The following SCLT1 variants were observed in gnomAD, a reference collection of about 807,000 sequenced individuals.
The protein encoded by SCLT1 is sodium channel-associated protein 1.
Under a neutral mutation model 112.8 loss-of-function variants are expected in SCLT1, and 78 were observed. That is an observed-to-expected ratio of 0.69 (90% CI 0.58 to 0.83). SCLT1 has a LOEUF of 0.83. SCLT1 is among the 40% of genes least tolerant of loss of function. The probability of loss-of-function intolerance (pLI) is 0.00; values close to 1 mark genes in which losing one functional copy is unlikely to be tolerated. For synonymous variants in SCLT1, 257 were observed against 254.7 expected (o/e 1.01, Z -0.09); for missense variants, 747 against 770.4 (o/e 0.97, Z 0.36).
chr4:129,043,945 A>G, intron 3 of SCLT1, 48 bp downstream of exon 3: 1 of 911,480 alleles, frequency 1.1e-6, no homozygotes, highest in Non-Finnish European at 1.8e-6. Context: ...TATGCTAATA[A>G]TAATTAAATA....
intron 9 of SCLT1, among the ~76,000 whole-genome samples, chr4:128,986,758 T>C (rs963425798): frequency 2.6e-5 from 4 of 152,170 alleles, no homozygotes; most frequent in Admixed American, 2.0e-4. Flanking sequence ...CCTAGCAGAA[T>C]TCATGCCCTG....
At chr4:128,960,964 A>T (rs1739669163) in intron 11 of SCLT1, among the ~76,000 whole-genome samples, 1 of 146,528 alleles carries the variant, frequency 6.8e-6, no homozygotes, top group African/African-American at 2.5e-5. Flanking sequence ...CTAAATTATA[A>T]ATATTAACCC....
At chr4:128,993,170 T>C (rs1742721020) in intron 8 of SCLT1, among the ~76,000 whole-genome samples, 1 of 152,026 alleles carries the variant, frequency 6.6e-6, no homozygotes, top group East Asian at 1.9e-4. Context: ...CTCAATACCA[T>C]GTGTGGTTTA....
At chr4:129,017,367 T>A (rs1278811316) in intron 5 of SCLT1, among the ~76,000 whole-genome samples, 1 of 152,202 alleles carries the variant, frequency 6.6e-6, no homozygotes, top group Non-Finnish European at 1.5e-5. Context: ...TTGCTCCTTA[T>A]ATCATCTATC....
At chr4:128,875,718 CTAT>C (rs1013324529) in intron 4 of SCLT1, among the ~76,000 whole-genome samples, 4 of 151,952 alleles carry the variant, frequency 2.6e-5, no homozygotes, top group African/African-American at 9.7e-5. Context: ...AAGTGGTAGG[CTAT>C]TATTTTTATT....
downstream of SCLT1, among the ~76,000 whole-genome samples, chr4:128,882,801 CCTCTGAGGA>C (rs1356356142): frequency 2.0e-5 from 3 of 152,156 alleles, no homozygotes; most frequent in Non-Finnish European, 4.4e-5. Flanking sequence ...CTAGGGAAGG[CCTCTGAGGA>C]ACTGATATTT....
At chr4:128,904,663 C>T (rs977474102) in intron 18 of SCLT1, among the ~76,000 whole-genome samples, 1 of 151,960 alleles carries the variant, frequency 6.6e-6, no homozygotes, top group Non-Finnish European at 1.5e-5. Context: ...CAATCAATTA[C>T]GAGAGATGTT....
intron 18 of SCLT1, among the ~76,000 whole-genome samples, chr4:128,892,106 T>A (rs1029322403): frequency 6.6e-6 from 1 of 152,240 alleles, no homozygotes; most frequent in Non-Finnish European, 1.5e-5. Context: ...CTCATTCATA[T>A]CATTTATGCT....
chr4:128,974,922 T>C (rs1741013578), intron 9 of SCLT1, among the ~76,000 whole-genome samples: 1 of 152,058 alleles, frequency 6.6e-6, no homozygotes, highest in South Asian at 2.1e-4. Flanking sequence ...CAAATTAATA[T>C]TCTAAAAAGT....
chr4:128,959,856 G>T, intron 11 of SCLT1, 79 bp from the exon 12 acceptor site: 1 of 1,044,748 alleles, frequency 9.6e-7, no homozygotes, highest in Non-Finnish European at 1.4e-6. Context: ...TCTACTACAG[G>T]ACAGGTATTA....
intron 2 of SCLT1, among the ~76,000 whole-genome samples, chr4:129,044,960 C>A (rs1169721252): frequency 1.7e-4 from 26 of 151,290 alleles, no homozygotes; most frequent in African/African-American, 5.1e-4. Context: ...GTATAACAAA[C>A]CCAGAAATAG....
intron 12 of SCLT1, 81 bp downstream of exon 12, chr4:128,959,519 T>C (rs2126013469): frequency 1.1e-6 from 1 of 951,062 alleles, no homozygotes; most frequent in South Asian, 1.4e-5. Flanking sequence ...ATTCAACAGC[T>C]ATTGAATCCC....
intron 17 of SCLT1, among the ~76,000 whole-genome samples, chr4:128,942,612 C>T (rs1737794719): frequency 6.6e-6 from 1 of 152,104 alleles, no homozygotes; most frequent in Non-Finnish European, 1.5e-5. Context: ...GAGCCTACTG[C>T]TTTAACATCC....
rs375114316 is a variant in SCLT1, at chr4:128,999,870, T to C, written c.427-76A>G. The C allele has an allele frequency of 3.0e-3, 2,812 of 938,696 alleles. 25 individuals carry two copies. The highest frequency in any genetic ancestry group is 0.026 in the South Asian group (1,155 of 44,378). 58.1% of individuals were successfully genotyped at this position (938,696 alleles called of 1,614,324 possible). A position where few individuals can be genotyped will look rare whatever the true frequency, so the allele number is the denominator to read the frequency against. On this transcript the variant is annotated intron_variant, in intron 6 of 20. Transcript: ENST00000281142. ...TATAGTACAAATGGATCATTTTCTT[T>C]TATAGAATAAGTTCTTATAAAGTCA... is the stretch of plus-strand genomic sequence containing the variant.
chr4:129,087,707 G>A (rs1457866521), intron 1 of SCLT1, among the ~76,000 whole-genome samples: 1 of 143,266 alleles, frequency 7.0e-6, no homozygotes, highest in African/African-American at 2.6e-5. Flanking sequence ...TGAGCTACTA[G>A]TGTACCATTA....
At chr4:129,044,245 AAAACC>A (rs1343742738) in intron 2 of SCLT1, among the ~76,000 whole-genome samples, 194 bp from the exon 3 acceptor site, 4 of 152,142 alleles carry the variant, frequency 2.6e-5, no homozygotes, top group Non-Finnish European at 5.9e-5. Flanking sequence ...ATGCACAATA[AAAACC>A]ACTGGCAAAT....
intron 9 of SCLT1, chr4:128,972,431 GAA>G (rs35226039): frequency 0.094 from 12,794 of 136,098 alleles, 688 homozygotes; most frequent in South Asian, 0.16. Context: ...CATGATCAAG[GAA>G]AAAAAAAAAA....
rs1180728874 is a variant in SCLT1, at chr4:128,888,661, T to G, written c.2004+18A>C. 1.4e-6 allele frequency: 2 copies of G among 1,465,610 alleles called. No individual in the cohort carries two copies. The highest frequency in any genetic ancestry group is 2.8e-5 in the African/African-American group (2 of 71,650). The allele number at this position is 1,465,610 out of a possible 1,614,324, so 90.8% of individuals were successfully genotyped here. ...CTTTGAACTGTTTATTATCTAGGGA[T>G]AAGAGGATGCTCCCTACCTGCTGGG... On this transcript the variant is annotated intron_variant, in intron 20 of 20. Transcript: ENST00000281142.
chr4:128,933,783 T>G (rs375958223), intron 18 of SCLT1, among the ~76,000 whole-genome samples: 2 of 152,128 alleles, frequency 1.3e-5, no homozygotes, highest in African/African-American at 4.8e-5. Context: ...TTCTCTTTTA[T>G]GATGAAAAAT....
Sources: gnomAD v4.1 joint callset for allele counts (sites outside exome capture counted in the v4.1 genomes callset) on GRCh38, gnomAD v4.1.1 for gene constraint, MANE v1.5 for transcripts, NCBI Gene and HGNC (gene_info 2026-07-23, HGNC 2026-07-21) for gene names.